Variants in MGAT4D observed in about 807,000 individuals in gnomAD.
The protein encoded by MGAT4D is MGAT4 family member D, also known as alpha-1,3-mannosyl-glycoprotein 4-beta-N-acetylglucosaminyltransferase-like protein MGAT4D.
A neutral mutation model predicts 15.9 loss-of-function variants in MGAT4D; 34 were observed. The ratio of observed to expected loss-of-function variants is 2.14; its 90% CI spans 1.62 to 2.84. The LOEUF is 2.84. MGAT4D is among the 30% of genes most tolerant of loss of function. MGAT4D has a pLI of 0.00. For missense variants in MGAT4D, 327 were observed against 140.2 expected (o/e 2.33, Z -6.73); for synonymous variants, 112 against 48.2 (o/e 2.33, Z -5.49).
intron 5 of MGAT4D, among the ~76,000 whole-genome samples, chr4:140,465,391 C>T (rs1425429339): frequency 1.3e-5 from 2 of 152,108 alleles, no homozygotes; most frequent in African/African-American, 2.4e-5. Context: ...TAATAAGAGT[C>T]CTACTGAATA....
chr4:140,490,198 T>G (rs1415684172), intron 1 of MGAT4D, among the ~76,000 whole-genome samples: 1 of 152,336 alleles, frequency 6.6e-6, no homozygotes, highest in South Asian at 2.1e-4. Context: ...TGTTGCACTT[T>G]GTTTTAGAGT....
chr4:140,498,034 C>A, intron 1 of MGAT4D, 95 bp downstream of exon 1: 1 of 569,762 alleles, frequency 1.8e-6, no homozygotes, highest in Non-Finnish European at 3.1e-6. Flanking sequence ...CTTCCCGCAT[C>A]GCCTCCGCAC....
chr4:140,463,538 A>T (rs974136986), intron 6 of MGAT4D, among the ~76,000 whole-genome samples: 1 of 152,048 alleles, frequency 6.6e-6, no homozygotes, highest in Non-Finnish European at 1.5e-5. Flanking sequence ...ACCCAAAGAA[A>T]CTTTTTTCTC....
At chr4:140,489,638 T>A (rs1446599563) in intron 1 of MGAT4D, among the ~76,000 whole-genome samples, 6 of 152,218 alleles carry the variant, frequency 3.9e-5, no homozygotes, top group Non-Finnish European at 1.5e-5. Flanking sequence ...ACTTGCTTCT[T>A]TAGCTCAATT....
chr4:140,459,629 GA>G lies in MGAT4D; in HGVS notation c.763-4del, dbSNP rs772201898. On this transcript the variant is annotated splice_region_variant and splice_polypyrimidine_tract_variant and intron_variant, in intron 7 of 10. Transcript: ENST00000511113. ...TTAGCTATGATATCATCTTCTAGCT[GA>G]AAAAAAAAACCCAAAAAGACATTAA... is the stretch of plus-strand genomic sequence containing the variant. The G allele has an allele frequency of 2.9e-3, 1,149 of 395,006 alleles. 4 individuals are homozygous for G. Among genetic ancestry groups the G allele is most frequent in the African/African-American group, 0.012 (563 of 45,830 alleles). The allele number at this position is 395,006 out of a possible 1,614,324, so 24.5% of individuals were successfully genotyped here.
intron 5 of MGAT4D, among the ~76,000 whole-genome samples, chr4:140,466,592 C>T (rs1428982741): frequency 6.6e-6 from 1 of 152,024 alleles, no homozygotes; most frequent in Non-Finnish European, 1.5e-5. Flanking sequence ...TTTTAAATTA[C>T]AGTGTAATAA....
At chr4:140,486,958 T>C (rs886067131) in intron 1 of MGAT4D, among the ~76,000 whole-genome samples, 2 of 152,204 alleles carry the variant, frequency 1.3e-5, no homozygotes, top group Admixed American at 6.5e-5. Flanking sequence ...CGAGTTAATA[T>C]ATCATGGGTG....
intron 1 of MGAT4D, among the ~76,000 whole-genome samples, chr4:140,496,546 C>T (rs1374686140): frequency 1.3e-5 from 2 of 152,048 alleles, no homozygotes; most frequent in African/African-American, 4.8e-5. Context: ...TCTAAATTAC[C>T]TTCCAAAATT....
At chr4:140,456,461 T>G (rs1482432196) in intron 9 of MGAT4D, 128 bp downstream of exon 9, 1 of 423,588 alleles carries the variant, frequency 2.4e-6, no homozygotes, top group African/African-American at 2.0e-5. Flanking sequence ...GATCAAAATT[T>G]GGGATATTAG....
At chr4:140,464,685 G>A (rs866521786) in intron 6 of MGAT4D, among the ~76,000 whole-genome samples, 5 of 152,236 alleles carry the variant, frequency 3.3e-5, no homozygotes, top group Non-Finnish European at 2.9e-5. Context: ...CCATTTCCAC[G>A]GTATAAATAC....
chr4:140,484,688 C>T (rs1025785288), intron 1 of MGAT4D, among the ~76,000 whole-genome samples: 6 of 152,076 alleles, frequency 3.9e-5, no homozygotes, highest in African/African-American at 1.4e-4. Flanking sequence ...CTACAATGAA[C>T]TCAAACAAAT....
chr4:140,450,887 C>T (rs1247695438), intron 10 of MGAT4D, among the ~76,000 whole-genome samples: 1 of 152,074 alleles, frequency 6.6e-6, no homozygotes, highest in African/African-American at 2.4e-5. Context: ...TTCCTTGTTT[C>T]TTCTACTACA....
chr4:140,472,082 A>G (rs1383151377), intron 4 of MGAT4D, among the ~76,000 whole-genome samples: 1 of 152,080 alleles, frequency 6.6e-6, no homozygotes, highest in East Asian at 1.9e-4. Flanking sequence ...TTAAATTTAT[A>G]TACTTTTTAG....
chr4:140,479,385 T>G (rs1732544944), intron 3 of MGAT4D, 105 bp downstream of exon 3: 3 of 367,132 alleles, frequency 8.2e-6, no homozygotes, highest in Admixed American at 4.7e-5. Context: ...GGCTGTAGTC[T>G]GCATATCAAT....
At chr4:140,456,856 T>G (rs998646612) in intron 8 of MGAT4D, 137 bp from the exon 9 acceptor site, 4 of 461,154 alleles carry the variant, frequency 8.7e-6, no homozygotes, top group African/African-American at 8.0e-5. Context: ...CTGCTGAAGT[T>G]AGACAATGAT....
chr4:140,497,992 C>T lies in MGAT4D; in HGVS notation c.94+137G>A, dbSNP rs568952715. 78 of 524,638 alleles carry T rather than the reference C, an allele frequency of 1.5e-4. 2 individuals carry two copies. In the South Asian group the frequency reaches 1.9e-3, roughly 13 times the overall value. 32.5% of individuals were successfully genotyped at this position (524,638 alleles called of 1,614,324 possible). A position where few individuals can be genotyped will look rare whatever the true frequency, so the allele number is the denominator to read the frequency against. ...GCCTCGGGAAGGCACCGACGCGGGC[C>T]TCCCAGTGCCAGCGCGGGCGGCCGC... On this transcript the variant is annotated intron_variant, in intron 1 of 10. Transcript: ENST00000511113.
chr4:140,484,954 G>T (rs1231259958), intron 1 of MGAT4D, among the ~76,000 whole-genome samples: 3 of 152,180 alleles, frequency 2.0e-5, no homozygotes, highest in Non-Finnish European at 4.4e-5. Flanking sequence ...CTGTTGGTGG[G>T]ACTGTAAACT....
chr4:140,455,939 C>T (rs2126698664), intron 9 of MGAT4D, among the ~76,000 whole-genome samples: 1 of 152,186 alleles, frequency 6.6e-6, no homozygotes, highest in African/African-American at 2.4e-5. Context: ...GAGCTTTAGA[C>T]CAGCCTGGGC....
In MGAT4D at chr4:140,480,428, A is replaced by C. The variant is rs559448216; in HGVS notation, c.254-801T>G. Among the ~76,000 whole-genome samples, 4 of 152,284 alleles carry C rather than the reference A, an allele frequency of 2.6e-5. No homozygotes were observed. The East Asian group carries it at 7.7e-4, about 29-fold the overall frequency. ...CTTCATGACCCTGAGATAGGTAAAG[A>C]GATCTTAGATACAATATAACAATAC... On this transcript the variant is annotated intron_variant, in intron 2 of 10. Coordinates refer to ENST00000511113, the MANE Select transcript of MGAT4D (RefSeq NM_001277353.2).
Sources: gnomAD v4.1 joint callset for allele counts (sites outside exome capture counted in the v4.1 genomes callset) on GRCh38, gnomAD v4.1.1 for gene constraint, MANE v1.5 for transcripts, NCBI Gene and HGNC (gene_info 2026-07-23, HGNC 2026-07-21) for gene names.